ALG8: variants seen among roughly 807,000 people sequenced by gnomAD.
ALG8 encodes the protein ALG8 alpha-1,3-glucosyltransferase.
In ALG8, 48 loss-of-function variants were observed where a neutral mutation model predicts 70.2. That is an observed-to-expected ratio of 0.68 (90% confidence interval 0.54 to 0.87). ALG8 has a LOEUF of 0.87. ALG8 is among the 40% of genes least tolerant of loss of function. The pLI is 0.00. For synonymous variants in ALG8, 234 were observed against 229.0 expected (o/e 1.02, Z -0.20); for missense variants, 572 against 608.7 (o/e 0.94, Z 0.64).
intron 9 of ALG8, 33 bp from the exon 10 acceptor site, chr11:78,106,979 T>A (rs919124478): frequency 6.2e-7 from 1 of 1,612,716 alleles, no homozygotes; most frequent in Non-Finnish European, 8.5e-7. Flanking sequence ...AACTTCAGTA[T>A]CATTTGAAAC....
At chr11:78,116,079 G>T (rs1053534160) in intron 5 of ALG8, among the ~76,000 whole-genome samples, 1 of 152,210 alleles carries the variant, frequency 6.6e-6, no homozygotes, top group Non-Finnish European at 1.5e-5. Flanking sequence ...ACAAACAAAG[G>T]CCAGGCGTGG....
At chr11:78,127,717 T>C (rs949069863) in intron 1 of ALG8, among the ~76,000 whole-genome samples, 2 of 150,666 alleles carry the variant, frequency 1.3e-5, no homozygotes, top group African/African-American at 4.9e-5. Context: ...CTTTTCTTTT[T>C]TTTTTTTTTT....
chr11:78,138,605 C>G (rs1299845954), intron 1 of ALG8: 2 of 416,166 alleles, frequency 4.8e-6, no homozygotes, highest in Non-Finnish European at 9.6e-6. Context: ...AAACCCTAAA[C>G]TAGGAAGTGG....
rs779723339 is a variant in ALG8, at chr11:78,124,039, A to G, written c.350T>C (p.Phe117Ser). ...RFSVIFMDVL[F>S]VYAVRECCKC... ...GACTTACTCACGGACAGCATACACA[A>G]AGAGTACATCCATAAAGATGACGGA... Residue 117 changes from phenylalanine (F) to serine (S), a missense_variant, in exon 3 of 13, where the codon TTT becomes TCT. Coordinates refer to ENST00000299626, the MANE Select transcript of ALG8 (RefSeq NM_024079.5). 6.2e-7 allele frequency: 1 copy of G among 1,614,184 alleles called. No individual in the cohort carries two copies. The highest frequency in any genetic ancestry group is 1.1e-5 in the South Asian group (1 of 91,084).
Position 78,139,607 on chromosome 11 carries a change from T to A in ALG8, c.-19A>T. The A allele has an allele frequency of 6.4e-7, 1 of 1,551,558 alleles. No individual in the cohort carries two copies. Among genetic ancestry groups the A allele is most frequent in the Non-Finnish European group, 8.7e-7 (1 of 1,146,792 alleles). On this transcript the variant is annotated 5_prime_UTR_variant, in exon 1 of 13. It adds an upstream start codon to the 5' untranslated region. Coordinates refer to ENST00000299626, the MANE Select transcript of ALG8 (RefSeq NM_024079.5). ...CCGCCATTGCTGCGGCACCGCACGC[T>A]TCCCACCAACTTGATCCACATCCGG...
intron 1 of ALG8, chr11:78,133,292 C>T (rs1341273789): frequency 3.3e-5 from 5 of 152,194 alleles, no homozygotes; most frequent in African/African-American, 9.7e-5. Context: ...GTACCTGGTA[C>T]ATAATAAAGC....
chr11:78,117,487 T>G (rs893947877), intron 5 of ALG8, among the ~76,000 whole-genome samples: 1 of 151,986 alleles, frequency 6.6e-6, no homozygotes, highest in Non-Finnish European at 1.5e-5. Flanking sequence ...AGGAGGATTG[T>G]TCAAGGCCAG....
chr11:78,101,234 G>C, intron 12 of ALG8, 39 bp from the exon 13 acceptor site: 2 of 1,534,448 alleles, frequency 1.3e-6, no homozygotes, highest in Non-Finnish European at 1.8e-6. Flanking sequence ...TTTTAGATGA[G>C]TCATCCTGGT....
chr11:78,101,198 GAAGGAAA>G lies in ALG8; in HGVS notation c.1350-10_1350-4del. 6.2e-7 allele frequency: 1 copy of G among 1,611,324 alleles called. No individual in the cohort carries two copies. Among genetic ancestry groups the G allele is most frequent in the Non-Finnish European group, 8.5e-7 (1 of 1,178,068 alleles). On this transcript the variant is annotated splice_region_variant and splice_polypyrimidine_tract_variant and intron_variant, in intron 12 of 12. Transcript: ENST00000299626. ...AATTAAAAAGAGGTTTTTCTTTTCT[GAAGGAAA>G]AAAGAGAGAAAAGTCTGATTTTAGA...
At chr11:78,107,198 A>AATATATATATATATATAT (rs57228944) in intron 9 of ALG8, among the ~76,000 whole-genome samples, 4 of 143,870 alleles carry the variant, frequency 2.8e-5, no homozygotes, top group Admixed American at 7.0e-5. Flanking sequence ...TTTATATGTA[A>AATATATATATATATATAT]ATATATATAT....
In ALG8 at chr11:78,139,475, G is replaced by A. The variant is rs1183341640; in HGVS notation, c.95+19C>T. On this transcript the variant is annotated intron_variant, in intron 1 of 12. Transcript: ENST00000299626. ...CGCGGGGCCTCCCCGCCCAGCCCCT[G>A]GCCGTGCGAGTCCCTTACTATGTGG... The A allele has an allele frequency of 1.3e-6, 2 of 1,552,854 alleles. No homozygotes were observed. The highest frequency in any genetic ancestry group is 3.9e-5 in the Admixed American group (2 of 51,126).
chr11:78,113,211 T>C (rs932233784), intron 7 of ALG8, among the ~76,000 whole-genome samples: 6 of 152,264 alleles, frequency 3.9e-5, no homozygotes, highest in African/African-American at 1.4e-4. Context: ...TTAAATTCTA[T>C]GCACTTTAGA....
At chr11:78,118,939 A>G (rs1860699424) in intron 5 of ALG8, among the ~76,000 whole-genome samples, 1 of 152,196 alleles carries the variant, frequency 6.6e-6, no homozygotes, top group African/African-American at 2.4e-5. Context: ...CAAAAACTCA[A>G]TTTAATTCAG....
intron 3 of ALG8, 66 bp downstream of exon 3, chr11:78,123,955 A>C (rs1860943245): frequency 8.4e-6 from 13 of 1,548,756 alleles, no homozygotes; most frequent in Non-Finnish European, 1.2e-5. Flanking sequence ...GGAGTAAGTT[A>C]ATACTACTTA....
intron 8 of ALG8, among the ~76,000 whole-genome samples, chr11:78,110,545 C>G (rs1299707001): frequency 2.0e-5 from 3 of 152,194 alleles, no homozygotes; most frequent in Admixed American, 2.0e-4. Flanking sequence ...TGTTTATGTG[C>G]TCATTTCCTC....
At chr11:78,114,616 C>G in intron 5 of ALG8, 2 of 576,674 alleles carry the variant, frequency 3.5e-6, no homozygotes, top group South Asian at 3.8e-5. Context: ...ACTCTCTGTA[C>G]TATTTCTACA....
In ALG8 at chr11:78,123,315, G is replaced by GAAA. The variant is rs1220218900; in HGVS notation, c.368+703_368+705dup. Among the ~76,000 whole-genome samples, 33 of 88,546 alleles carry GAAA rather than the reference G, an allele frequency of 3.7e-4. 1 individual carries two copies. Among genetic ancestry groups the GAAA allele is most frequent in the Admixed American group, 7.4e-4 (5 of 6,716 alleles). The allele number at this position is 88,546 out of a possible 152,430, so 58.1% of individuals were successfully genotyped here. A position where few individuals can be genotyped will look rare whatever the true frequency, so the allele number is the denominator to read the frequency against. On this transcript the variant is annotated intron_variant, in intron 3 of 12. Transcript: ENST00000299626. ...AAGATTCCATCTCAGGGAAAAAAAAGAAAAAAAAAAAAAAAAAAAAAGAAA... is the reference window on the plus strand; with the variant it reads ...AAGATTCCATCTCAGGGAAAAAAAAGAAAAAAAAAAAAAAAAAAAAAAAAGAAA...
chr11:78,112,465 G>A, intron 8 of ALG8, 185 bp downstream of exon 8: 1 of 725,244 alleles, frequency 1.4e-6, no homozygotes, highest in Non-Finnish European at 2.2e-6. Flanking sequence ...AAGGAAAACA[G>A]TCTGTTTACT....
At chr11:78,102,998 A>T (rs1859864322) in intron 12 of ALG8, 1 of 154,428 alleles carries the variant, frequency 6.5e-6, no homozygotes, top group Non-Finnish European at 1.5e-5. Flanking sequence ...ACAGTTTAGA[A>T]GAGAAAAAGT....
Sources: allele counts gnomAD v4.1 joint callset (sites outside exome capture counted in the v4.1 genomes callset), GRCh38; gene constraint gnomAD v4.1.1; transcripts MANE v1.5; gene names NCBI Gene and HGNC (gene_info 2026-07-23, HGNC 2026-07-21).